The following DHDDS variants were observed in gnomAD, a reference collection of about 807,000 sequenced individuals.
The protein encoded by DHDDS is dehydrodolichyl diphosphate synthase subunit.
A neutral mutation model predicts 46.2 loss-of-function variants in DHDDS; 16 were observed. The ratio of observed to expected loss-of-function variants is 0.35; its 90% CI spans 0.23 to 0.53. The LOEUF (loss-of-function observed/expected upper bound fraction) is 0.53, where lower values mean the gene tolerates loss of function less well. Among genes scored for constraint, DHDDS ranks in the 20% least tolerant of loss-of-function variants. The pLI, the probability that DHDDS is intolerant of heterozygous loss-of-function variation, is 0.94. For missense variants in DHDDS, 340 were observed against 423.7 expected (o/e 0.80, Z 1.73); for synonymous variants, 151 against 163.1 (o/e 0.93, Z 0.56).
intron 6 of DHDDS, among the ~76,000 whole-genome samples, chr1:26,457,368 G>A (rs2075379940): frequency 6.6e-6 from 1 of 151,496 alleles, no homozygotes; most frequent in African/African-American, 2.4e-5. Flanking sequence ...AGCTACTCGG[G>A]AGGCTGAGGC....
At chr1:26,468,812 C>CCCCCCCCCCACCACCA in intron 8 of DHDDS, 83 bp from the exon 9 acceptor site, 17 of 601,100 alleles carry the variant, frequency 2.8e-5, no homozygotes, top group East Asian at 8.6e-5. Context: ...CCACCCTGTG[C>CCCCCCCCCCACCACCA]CCCACCCCCT....
chr1:26,455,889 C>A (rs2075365965), intron 6 of DHDDS, among the ~76,000 whole-genome samples: 1 of 152,064 alleles, frequency 6.6e-6, no homozygotes, highest in Non-Finnish European at 1.5e-5. Context: ...TCTTCTGGAC[C>A]CTTTCCAAGA....
At chr1:26,467,453 C>G (rs1304538714) in intron 8 of DHDDS, 9 of 423,512 alleles carry the variant, frequency 2.1e-5, no homozygotes, top group Admixed American at 2.1e-4. Flanking sequence ...ATTCAGGAGC[C>G]GGGGGGGACA....
chr1:26,456,852 T>G lies in DHDDS; in HGVS notation c.543-939T>G, dbSNP rs115783905. On this transcript the variant is annotated intron_variant, in intron 6 of 8. Transcript: ENST00000236342. ...TATACTTATATGCACGTGTGAATGT[T>G]TGAATGTGTGTGTATGTTTTATACT... 2.7e-3 allele frequency among the ~76,000 whole-genome samples: 409 copies of G among 152,352 alleles called. 1 individual carries two copies. The highest frequency in any genetic ancestry group is 9.3e-3 in the African/African-American group (386 of 41,582).
chr1:26,440,288 G>A (rs1372507194), intron 3 of DHDDS, among the ~76,000 whole-genome samples: 1 of 152,212 alleles, frequency 6.6e-6, no homozygotes, highest in Non-Finnish European at 1.5e-5. Context: ...CCTTGTAGAA[G>A]TCTTTACGTT....
intron 2 of DHDDS, among the ~76,000 whole-genome samples, chr1:26,435,206 T>A (rs2075141907): frequency 1.3e-5 from 2 of 151,042 alleles, no homozygotes; most frequent in African/African-American, 2.4e-5. Context: ...GAGACAGGGT[T>A]TCACCATTTT....
At position 26,468,984 on chromosome 1, in the gene DHDDS, G is replaced by A. The variant is rs928446379; in HGVS notation, c.855G>A (p.Gly285=). 1 of 1,614,152 alleles carries A rather than the reference G, an allele frequency of 6.2e-7. No homozygotes were observed. The highest frequency in any genetic ancestry group is 1.3e-5 in the African/African-American group (1 of 75,072). The change falls in exon 9 of 9, where the codon GGG becomes GGA. Residue 285 remains glycine, a synonymous_variant. Coordinates refer to ENST00000236342, the MANE Select transcript of DHDDS (RefSeq NM_205861.3). ...TGACAGAGCAGCTGCTGCGAGAGGG[G>A]CTCCAAGCCAGTGGGGACGCCCAGC... The part of the protein sequence containing the change: ...ATVTEQLLRE[G]LQASGDAQLR...
In DHDDS at chr1:26,438,182, G is replaced by A. The variant is rs988933766; in HGVS notation, c.78G>A (p.Pro26=). ...CANIIKAGPM[P]KHIAFIMDGN... is the part of the protein sequence containing the mutation. The stretch of plus-strand genomic sequence containing the variant: ...CTATTCCACAGGCAGGCCCAATGCC[G>A]AAACACATTGCATTCATAATGGACG... Residue 26 remains proline (P), a synonymous_variant, in exon 3 of 9, where the codon CCG becomes CCA. Coordinates refer to ENST00000236342, the MANE Select transcript of DHDDS (RefSeq NM_205861.3). 4.3e-6 allele frequency: 7 copies of A among 1,613,718 alleles called. No homozygotes were observed. The highest frequency in any genetic ancestry group is 4.5e-5 in the East Asian group (2 of 44,888).
intron 7 of DHDDS, among the ~76,000 whole-genome samples, chr1:26,459,491 T>C (rs1267292104): frequency 6.6e-6 from 1 of 152,238 alleles, no homozygotes; most frequent in African/African-American, 2.4e-5. Flanking sequence ...ATTCCTATTA[T>C]CCAGTTTTAC....
chr1:26,441,373 T>C lies in DHDDS; in HGVS notation c.181-1358T>C, dbSNP rs1410792921. Among the ~76,000 whole-genome samples the C allele has an allele frequency of 5.3e-5, 8 of 151,936 alleles. No homozygotes were observed. In the East Asian group the frequency reaches 1.2e-3, roughly 22 times the overall value. On this transcript the variant is annotated intron_variant, in intron 3 of 8. Transcript: ENST00000236342. ...GCCACCGCACCCAGCTAAGTTTCTGTATTTTTAGTAGAAATGGGGTTTCAC... is the reference window on the plus strand; with the variant it reads ...GCCACCGCACCCAGCTAAGTTTCTGCATTTTTAGTAGAAATGGGGTTTCAC...
In DHDDS at chr1:26,439,932, A is replaced by C. The variant is rs180753131; in HGVS notation, c.180+1648A>C. Among the ~76,000 whole-genome samples, 3 of 152,110 alleles carry C rather than the reference A, an allele frequency of 2.0e-5. No individual in the cohort carries two copies. In the East Asian group the frequency reaches 5.8e-4, roughly 29 times the overall value. On this transcript the variant is annotated intron_variant, in intron 3 of 8. Transcript: ENST00000236342. Reference sequence around the variant, plus strand: ...GAGGTGCGCGGATCATGAGGTCAGGAGATCAAGACCATCGTGGCTAACACG... The same window carrying C: ...GAGGTGCGCGGATCATGAGGTCAGGCGATCAAGACCATCGTGGCTAACACG...
Position 26,441,940 on chromosome 1 carries a change from A to G in DHDDS, c.181-791A>G, listed in dbSNP as rs1342480697. ...GATGTAGGACATTTCCATCTCTCCA[A>G]AAAAATTCCCTGGTGCCCCTTCTCA... On this transcript the variant is annotated intron_variant, in intron 3 of 8. Transcript: ENST00000236342. 3.9e-5 allele frequency among the ~76,000 whole-genome samples: 6 copies of G among 152,016 alleles called. No individual in the cohort carries two copies. The East Asian group carries it at 9.7e-4, about 24-fold the overall frequency.
At chr1:26,457,227 G>A (rs570183680) in intron 6 of DHDDS, among the ~76,000 whole-genome samples, 48 of 149,424 alleles carry the variant, frequency 3.2e-4, no homozygotes, top group African/African-American at 1.0e-3. Flanking sequence ...CAGAGGCCGA[G>A]GGGGGGGCGG....
In DHDDS at chr1:26,471,151, A is replaced by T. The variant is rs960808091; in HGVS notation, c.*2020A>T. The T allele has an allele frequency of 6.6e-6, 1 of 152,202 alleles. No individual in the cohort carries two copies. The highest frequency in any genetic ancestry group is 1.5e-5 in the Non-Finnish European group (1 of 68,054). The allele number at this position is 152,202 out of a possible 1,614,324, so 9.4% of individuals were successfully genotyped here. Reference sequence around the variant, plus strand: ...CTCGTGGTTGCTTTGGACAGGTGTGATTTGTGCAAGCCAGGTTCAACCCTT... The same window carrying T: ...CTCGTGGTTGCTTTGGACAGGTGTGTTTTGTGCAAGCCAGGTTCAACCCTT... On this transcript the variant is annotated 3_prime_UTR_variant, in exon 9 of 9. Transcript: ENST00000236342.
intron 2 of DHDDS, among the ~76,000 whole-genome samples, chr1:26,436,966 C>T (rs2075164432): frequency 6.6e-6 from 1 of 151,476 alleles, no homozygotes; most frequent in African/African-American, 2.4e-5. Flanking sequence ...GTCAGGAGAT[C>T]GCCACCATCC....
rs148135424 is a variant in DHDDS at position 26,450,123 on chromosome 1, G to A, written c.542+2463G>A. On this transcript the variant is annotated intron_variant, in intron 6 of 8. Coordinates refer to ENST00000236342, the MANE Select transcript of DHDDS (RefSeq NM_205861.3). ...GTATAGGTTAACTTGAGCAAAGAGG[G>A]GATGAGAAAGCTAAGGAGAGTCTGT... is the stretch of plus-strand genomic sequence containing the variant. 3.3e-3 allele frequency among the ~76,000 whole-genome samples: 509 copies of A among 152,188 alleles called. 2 individuals are homozygous for A. The highest frequency in any genetic ancestry group is 0.017 in the Middle Eastern group (5 of 294).
intron 6 of DHDDS, among the ~76,000 whole-genome samples, chr1:26,450,092 A>C (rs145822815): frequency 3.3e-5 from 5 of 152,300 alleles, no homozygotes; most frequent in African/African-American, 9.6e-5. Flanking sequence ...TATGGAAGCC[A>C]TCTGTGTATA....
At chr1:26,442,911 C>T in intron 4 of DHDDS, 38 bp downstream of exon 4, 1 of 1,613,338 alleles carries the variant, frequency 6.2e-7, no homozygotes, top group South Asian at 1.1e-5. Flanking sequence ...GTTCTTCCAC[C>T]ACCCCCAGCC....
intron 6 of DHDDS, among the ~76,000 whole-genome samples, chr1:26,452,815 T>A (rs2075333927): frequency 6.6e-6 from 1 of 152,046 alleles, no homozygotes. Flanking sequence ...AAGAAAAAAA[T>A]TAGATGGACA....
Sources: allele counts gnomAD v4.1 joint callset (sites outside exome capture counted in the v4.1 genomes callset), GRCh38; gene constraint gnomAD v4.1.1; transcripts MANE v1.5; gene names NCBI Gene and HGNC (gene_info 2026-07-23, HGNC 2026-07-21).